Variants in RAF1 observed in about 807,000 individuals in gnomAD.
The protein encoded by RAF1 is Raf-1 proto-oncogene, serine/threonine kinase.
RAF1 carries 27 observed loss-of-function variants against 81.1 expected under a neutral mutation model. That is an observed-to-expected ratio of 0.33 (90% CI 0.25 to 0.46). The LOEUF is 0.46. Ranked by LOEUF, RAF1 falls within the 20% of genes least tolerant of loss-of-function variation. The pLI is 1.00. For synonymous variants in RAF1, 298 were observed against 294.0 expected, an observed-to-expected ratio of 1.01 and a Z score of -0.14; for missense variants, 598 against 826.0, an observed-to-expected ratio of 0.72 and a Z score of 3.38.
intron 1 of RAF1, among the ~76,000 whole-genome samples, chr3:12,662,202 G>C (rs547631041): frequency 2.0e-3 from 297 of 151,392 alleles, no homozygotes; most frequent in Non-Finnish European, 3.8e-3. Flanking sequence ...ATGTGTGGTG[G>C]CACCTGTCTG....
intron 1 of RAF1, among the ~76,000 whole-genome samples, chr3:12,656,066 AC>A (rs916629111): frequency 6.9e-6 from 1 of 144,258 alleles, no homozygotes; most frequent in African/African-American, 2.6e-5. Flanking sequence ...CACACACCCC[AC>A]CCCCAATCCG....
chr3:12,633,944 A>AC (rs1428912555), intron 1 of RAF1, among the ~76,000 whole-genome samples: 1 of 151,832 alleles, frequency 6.6e-6, no homozygotes, highest in Non-Finnish European at 1.5e-5. Context: ...CAAAAAAAAA[A>AC]AAAAAAACAA....
At chr3:12,620,238 G>A (rs1178512213) in intron 1 of RAF1, among the ~76,000 whole-genome samples, 1 of 151,566 alleles carries the variant, frequency 6.6e-6, no homozygotes, top group East Asian at 2.0e-4. Context: ...AGGTTCAAGC[G>A]ATTCTCCTGC....
At chr3:12,631,904 T>C (rs2059873551) in intron 1 of RAF1, among the ~76,000 whole-genome samples, 5 of 152,336 alleles carry the variant, frequency 3.3e-5, no homozygotes, top group South Asian at 4.1e-4. Flanking sequence ...TATTTAGTAA[T>C]GGTGACTTTG....
chr3:12,649,403 C>T (rs1242344667), intron 1 of RAF1, among the ~76,000 whole-genome samples: 1 of 152,090 alleles, frequency 6.6e-6, no homozygotes, highest in Non-Finnish European at 1.5e-5. Flanking sequence ...TTCAAGACCA[C>T]CCTGGTCAAC....
chr3:12,647,291 A>G (rs9816615), intron 1 of RAF1, among the ~76,000 whole-genome samples: 123,926 of 146,092 alleles, frequency 0.85, 52,832 homozygotes, highest in African/African-American at 0.96. Flanking sequence ...GCGAGACTCC[A>G]TCTCAAAAAA....
At chr3:12,651,301 A>T (rs981562469) in intron 1 of RAF1, among the ~76,000 whole-genome samples, 2 of 152,112 alleles carry the variant, frequency 1.3e-5, no homozygotes, top group Admixed American at 1.3e-4. Flanking sequence ...ATATATATAG[A>T]TTTTTTGCAA....
At chr3:12,614,731 A>G (rs1042348107) in intron 2 of RAF1, among the ~76,000 whole-genome samples, 4 of 151,950 alleles carry the variant, frequency 2.6e-5, no homozygotes, top group African/African-American at 7.3e-5. Flanking sequence ...CAGCCTGTAT[A>G]TATTTTTTAA....
intron 11 of RAF1, 35 bp from the exon 11 acceptor site, chr3:12,591,827 G>A (rs1575546636): frequency 6.9e-7 from 1 of 1,457,710 alleles, no homozygotes; most frequent in Non-Finnish European, 9.6e-7. Flanking sequence ...GCAATCAGTT[G>A]AATGATCTCA....
intron 1 of RAF1, among the ~76,000 whole-genome samples, chr3:12,659,074 T>G (rs1335740439): frequency 7.2e-5 from 11 of 152,076 alleles, no homozygotes; most frequent in Admixed American, 5.2e-4. Context: ...CAAACCTTAA[T>G]GTGTAATTAA....
chr3:12,656,511 G>T (rs1017864179), intron 1 of RAF1, among the ~76,000 whole-genome samples: 8 of 152,182 alleles, frequency 5.3e-5, no homozygotes, highest in Non-Finnish European at 1.5e-5. Context: ...TTTACTGTAA[G>T]CATTTTGGAG....
In RAF1 at chr3:12,599,682, C is replaced by G. The variant is rs1395708542; in HGVS notation, c.1168+9G>C. On this transcript the variant is annotated intron_variant, in intron 11 of 17. Transcript: ENST00000442415. ...CCTGCAGTTAGTAAAGGGAGGGCCC[C>G]AAGCTTACCGTGCCATTTACCCTTA... 2 of 1,608,100 alleles carry G rather than the reference C, an allele frequency of 1.2e-6. No homozygotes were observed. Among genetic ancestry groups the G allele is most frequent in the African/African-American group, 2.7e-5 (2 of 74,788 alleles).
chr3:12,607,120 G>C, intron 5 of RAF1, among the ~76,000 whole-genome samples: 1 of 152,314 alleles, frequency 6.6e-6, no homozygotes, highest in Middle Eastern at 3.4e-3. Context: ...TCTTGAAAAT[G>C]CATAGATAAA....
chr3:12,609,388 T>C (rs111596399), intron 3 of RAF1, 53 bp from the exon 4 acceptor site: 24 of 1,214,834 alleles, frequency 2.0e-5, no homozygotes, highest in African/African-American at 1.5e-4. Context: ...CAAAGTTCAA[T>C]AGAAATAACA....
At chr3:12,649,769 G>C (rs2060464503) in intron 1 of RAF1, among the ~76,000 whole-genome samples, 1 of 152,170 alleles carries the variant, frequency 6.6e-6, no homozygotes, top group Admixed American at 6.6e-5. Flanking sequence ...GGAGGCCGAG[G>C]TGGGAGGAGT....
chr3:12,649,354 T>C (rs936690933), intron 1 of RAF1, among the ~76,000 whole-genome samples: 1 of 152,078 alleles, frequency 6.6e-6, no homozygotes, highest in Admixed American at 6.6e-5. Flanking sequence ...TCTCAGTAAT[T>C]TGGGAAATCA....
intron 11 of RAF1, among the ~76,000 whole-genome samples, chr3:12,597,973 C>T (rs2058735257): frequency 6.8e-6 from 1 of 146,938 alleles, no homozygotes; most frequent in Non-Finnish European, 1.5e-5. Flanking sequence ...ACCCAGGAGA[C>T]AGCCCAGTAG....
Position 12,640,313 on chromosome 3 carries a change from G to C in RAF1, c.-26-21566C>G, listed in dbSNP as rs571594215. Among the ~76,000 whole-genome samples the C allele has an allele frequency of 2.6e-5, 4 of 152,222 alleles. No individual in the cohort carries two copies. In the East Asian group the frequency reaches 7.7e-4, roughly 29 times the overall value. ...CATTCAGGACATAGGCATGGGCAAG[G>C]ACTTCATGACTAAAACACCGAAAGC... On this transcript the variant is annotated intron_variant, in intron 1 of 17. Transcript: ENST00000442415.
At chr3:12,587,701 A>G (rs1343496814) in intron 13 of RAF1, 64 bp from the exon 13 acceptor site, 30 of 1,381,346 alleles carry the variant, frequency 2.2e-5, no homozygotes, top group Non-Finnish European at 2.6e-5. Context: ...GCAGTTTTAA[A>G]CTACAGCTAA....
Sources: gnomAD v4.1 joint callset for allele counts (sites outside exome capture counted in the v4.1 genomes callset) on GRCh38, gnomAD v4.1.1 for gene constraint, MANE v1.5 for transcripts, NCBI Gene and HGNC (gene_info 2026-07-23, HGNC 2026-07-21) for gene names.